Variants in PLXDC2 observed in about 807,000 individuals in gnomAD.
The protein encoded by PLXDC2 is plexin domain containing 2.
PLXDC2 carries 40 observed loss-of-function variants against 68.9 expected under a neutral mutation model. The observed-to-expected ratio is 0.58, with a 90% CI of 0.45 to 0.76. PLXDC2 has a LOEUF of 0.76. Among genes scored for constraint, PLXDC2 ranks in the 30% least tolerant of loss-of-function variants. The pLI is 0.00. For missense variants in PLXDC2, 644 were observed against 661.9 expected, an observed-to-expected ratio of 0.97 and a Z score of 0.30; for synonymous variants, 243 against 234.2, an observed-to-expected ratio of 1.04 and a Z score of -0.34.
chr10:20,182,071 TTGTGTGTGTGTG>T (rs111252782), intron 9 of PLXDC2, among the ~76,000 whole-genome samples: 1 of 146,456 alleles, frequency 6.8e-6, no homozygotes, highest in Non-Finnish European at 1.5e-5. Flanking sequence ...AACCGGTTAT[TTGTGTGTGTGTG>T]TGTGTGTGTG....
At chr10:20,153,429 G>A (rs1417170741) in intron 6 of PLXDC2, among the ~76,000 whole-genome samples, 3 of 152,144 alleles carry the variant, frequency 2.0e-5, no homozygotes, top group Middle Eastern at 3.2e-3. Flanking sequence ...CTTTCTTTGG[G>A]ATTTTGTCTT....
At chr10:20,082,840 G>A (rs1302414415) in intron 4 of PLXDC2, among the ~76,000 whole-genome samples, 3 of 152,058 alleles carry the variant, frequency 2.0e-5, no homozygotes, top group African/African-American at 7.2e-5. Context: ...CCATAGAGTA[G>A]AATACTATGT....
At chr10:20,188,720 G>A (rs1278364918) in intron 9 of PLXDC2, among the ~76,000 whole-genome samples, 1 of 151,810 alleles carries the variant, frequency 6.6e-6, no homozygotes, top group East Asian at 1.9e-4. Flanking sequence ...AAGAGCTAAT[G>A]AAGTTGAGCC....
Position 19,876,601 on chromosome 10 carries a change from C to CAA in PLXDC2, c.112+59433_112+59434dup, listed in dbSNP as rs61268790. ...TGGACAACAGAGTGAGATTCCATCTCAAAAAAAAAAAAAAAAAAAAAAAAG... is the reference window on the plus strand; with the variant it reads ...TGGACAACAGAGTGAGATTCCATCTCAAAAAAAAAAAAAAAAAAAAAAAAAAG... On this transcript the variant is annotated intron_variant, in intron 1 of 13. Transcript: ENST00000377252. 9.4e-3 allele frequency among the ~76,000 whole-genome samples: 599 copies of CAA among 63,724 alleles called. 2 individuals carry two copies. Among genetic ancestry groups the CAA allele is most frequent in the Non-Finnish European group, 0.01 (383 of 36,536 alleles). 41.8% of individuals were successfully genotyped at this position (63,724 alleles called of 152,430 possible).
intron 1 of PLXDC2, among the ~76,000 whole-genome samples, chr10:19,878,135 A>C (rs1837666652): frequency 6.6e-6 from 1 of 152,194 alleles, no homozygotes; most frequent in Non-Finnish European, 1.5e-5. Flanking sequence ...ATTGGCTATA[A>C]CATATGTGGA....
intron 1 of PLXDC2, among the ~76,000 whole-genome samples, chr10:19,874,949 G>A (rs2131345924): frequency 6.6e-6 from 1 of 152,240 alleles, no homozygotes; most frequent in Non-Finnish European, 1.5e-5. Flanking sequence ...ACCTACTTAT[G>A]ACCTGGGAGA....
chr10:19,940,087 C>G (rs368854045), intron 1 of PLXDC2, among the ~76,000 whole-genome samples: 1 of 151,402 alleles, frequency 6.6e-6, no homozygotes, highest in Non-Finnish European at 1.5e-5. Context: ...TATAGTCATG[C>G]GAAAGAATCT....
In PLXDC2 at chr10:20,231,486, T is replaced by C. The variant is rs574835928; in HGVS notation, c.1312+12384T>C. ...AAAAAGGTTTAAAATTAAAAACTCATGTGTTCAATTTAAGTAGATAAGCCA... is the reference window on the plus strand; with the variant it reads ...AAAAAGGTTTAAAATTAAAAACTCACGTGTTCAATTTAAGTAGATAAGCCA... On this transcript the variant is annotated intron_variant, in intron 12 of 13. Coordinates refer to ENST00000377252, the MANE Select transcript of PLXDC2 (RefSeq NM_032812.9). Among the ~76,000 whole-genome samples the C allele has an allele frequency of 4.8e-4, 73 of 151,702 alleles. 1 individual carries two copies. The highest frequency in any genetic ancestry group is 1.7e-3 in the African/African-American group (69 of 41,526).
chr10:20,185,725 A>T (rs1470421299), intron 9 of PLXDC2, among the ~76,000 whole-genome samples: 1 of 151,926 alleles, frequency 6.6e-6, no homozygotes, highest in Admixed American at 6.6e-5. Context: ...AATTTACATG[A>T]TTGTTTCATA....
chr10:19,877,409 C>G (rs1031543119), intron 1 of PLXDC2, among the ~76,000 whole-genome samples: 6 of 152,156 alleles, frequency 3.9e-5, no homozygotes, highest in African/African-American at 1.4e-4. Context: ...CAGGGTAATA[C>G]AATTCTTAGT....
intron 1 of PLXDC2, among the ~76,000 whole-genome samples, chr10:19,942,124 T>C (rs1227718263): frequency 6.6e-6 from 1 of 152,188 alleles, no homozygotes; most frequent in East Asian, 1.9e-4. Flanking sequence ...TTTGTAAAGA[T>C]AGTGGTAATT....
intron 9 of PLXDC2, among the ~76,000 whole-genome samples, chr10:20,200,778 C>G (rs1057125454): frequency 6.6e-6 from 1 of 151,944 alleles, no homozygotes; most frequent in Non-Finnish European, 1.5e-5. Context: ...TTTAAAAATA[C>G]TCAACATCAT....
intron 1 of PLXDC2, among the ~76,000 whole-genome samples, chr10:19,884,392 G>A (rs1837800174): frequency 6.6e-6 from 1 of 152,026 alleles, no homozygotes; most frequent in Non-Finnish European, 1.5e-5. Context: ...TAGGGTGCAT[G>A]TGCACAATGT....
intron 1 of PLXDC2, among the ~76,000 whole-genome samples, chr10:19,893,547 A>G (rs1347678775): frequency 6.6e-6 from 1 of 152,192 alleles, no homozygotes; most frequent in Non-Finnish European, 1.5e-5. Flanking sequence ...ACTCCACCTG[A>G]TAACTTTGGG....
intron 2 of PLXDC2, among the ~76,000 whole-genome samples, chr10:20,032,537 G>A (rs983748031): frequency 2.0e-4 from 30 of 152,114 alleles, no homozygotes; most frequent in Admixed American, 1.8e-3. Context: ...GAAACGGGGA[G>A]ACCAGTGAGA....
intron 6 of PLXDC2, among the ~76,000 whole-genome samples, chr10:20,163,277 A>G (rs1589660481): frequency 6.6e-6 from 1 of 152,332 alleles, no homozygotes; most frequent in African/African-American, 2.4e-5. Flanking sequence ...ACTTGTTTCA[A>G]GATAATTCCA....
chr10:19,951,257 A>C (rs1833986772), intron 1 of PLXDC2, among the ~76,000 whole-genome samples: 1 of 152,216 alleles, frequency 6.6e-6, no homozygotes, highest in Non-Finnish European at 1.5e-5. Context: ...CAAATGTCTA[A>C]TATCCAAAAA....
rs965757080 is a variant in PLXDC2, at chr10:20,281,147, C to G, written c.*1328C>G. The G allele has an allele frequency of 3.9e-5, 6 of 152,110 alleles. No individual in the cohort carries two copies. The highest frequency in any genetic ancestry group is 3.9e-4 in the Admixed American group (6 of 15,240). The allele number at this position is 152,110 out of a possible 1,614,324, so 9.4% of individuals were successfully genotyped here. A position where few individuals can be genotyped will look rare whatever the true frequency, so the allele number is the denominator to read the frequency against. On this transcript the variant is annotated 3_prime_UTR_variant, in exon 14 of 14. Coordinates refer to ENST00000377252, the MANE Select transcript of PLXDC2 (RefSeq NM_032812.9). ...ATTTGATCCACTTTTTCGTTTATGT[C>G]AACCCCTTCCCTCTCTGGCTAAATA...
rs553108536 is a variant in PLXDC2 at position 19,818,414 on chromosome 10, A to G, written c.112+1223A>G. Among the ~76,000 whole-genome samples the G allele has an allele frequency of 7.1e-4, 108 of 152,182 alleles. 1 individual carries two copies. The highest frequency in any genetic ancestry group is 2.5e-3 in the African/African-American group (105 of 41,536). Reference sequence around the variant, plus strand: ...TGAAGGAAACCCTTGAGTGAAATTTACCAAGCCGCGACTTAGAAGACAGTC... The same window carrying G: ...TGAAGGAAACCCTTGAGTGAAATTTGCCAAGCCGCGACTTAGAAGACAGTC... On this transcript the variant is annotated intron_variant, in intron 1 of 13. Transcript: ENST00000377252.
Sources: allele counts gnomAD v4.1 joint callset (sites outside exome capture counted in the v4.1 genomes callset), GRCh38; gene constraint gnomAD v4.1.1; transcripts MANE v1.5; gene names NCBI Gene and HGNC (gene_info 2026-07-23, HGNC 2026-07-21).